LRBA: variants seen among roughly 807,000 people sequenced by gnomAD.
The protein encoded by LRBA is LPS responsive beige-like anchor protein, also known as lipopolysaccharide-responsive and beige-like anchor protein.
LRBA carries 176 observed loss-of-function variants against 330.0 expected under a neutral mutation model. The ratio of observed to expected loss-of-function variants is 0.53; its 90% CI spans 0.47 to 0.60. The LOEUF (loss-of-function observed/expected upper bound fraction) is 0.60, where lower values mean the gene tolerates loss of function less well. LRBA is among the 20% of genes least tolerant of loss of function. The pLI, the probability that LRBA is intolerant of heterozygous loss-of-function variation, is 0.00. For synonymous variants in LRBA, 1,230 were observed against 1,193.0 expected (o/e 1.03, Z -0.64); for missense variants, 3,259 against 3,444.8 (o/e 0.95, Z 1.35).
At chr4:150,500,754 T>C (rs1760162743) in intron 40 of LRBA, among the ~76,000 whole-genome samples, 1 of 152,206 alleles carries the variant, frequency 6.6e-6, no homozygotes, top group Non-Finnish European at 1.5e-5. Context: ...GGAAAACCTT[T>C]GTTTATCTTG....
intron 37 of LRBA, among the ~76,000 whole-genome samples, chr4:150,672,934 T>C (rs1026433342): frequency 1.3e-5 from 2 of 151,972 alleles, no homozygotes; most frequent in African/African-American, 4.8e-5. Flanking sequence ...GAAAGGAAAG[T>C]AGTAAGGAGA....
At chr4:150,507,217 G>GA (rs1341086228) in intron 40 of LRBA, among the ~76,000 whole-genome samples, 1 of 151,692 alleles carries the variant, frequency 6.6e-6, no homozygotes, top group African/African-American at 2.4e-5. Flanking sequence ...CACAGAATTG[G>GA]AAAAAACTAC....
chr4:150,646,798 T>A (rs372189320), intron 37 of LRBA, among the ~76,000 whole-genome samples: 16 of 152,062 alleles, frequency 1.1e-4, no homozygotes, highest in African/African-American at 3.6e-4. Flanking sequence ...AAATCCAAAA[T>A]TTTTGAGCAC....
intron 47 of LRBA, among the ~76,000 whole-genome samples, chr4:150,405,466 T>C (rs1202284900): frequency 6.6e-6 from 1 of 152,160 alleles, no homozygotes; most frequent in Non-Finnish European, 1.5e-5. Context: ...TTTAATTCCA[T>C]TCCTAGATGA....
At chr4:150,593,661 A>G (rs1773156158) in intron 38 of LRBA, among the ~76,000 whole-genome samples, 1 of 152,172 alleles carries the variant, frequency 6.6e-6, no homozygotes, top group African/African-American at 2.4e-5. Flanking sequence ...AATCAAGAAC[A>G]AAAAATATTC....
At chr4:150,933,755 T>G (rs1302613949) in intron 2 of LRBA, among the ~76,000 whole-genome samples, 1 of 152,146 alleles carries the variant, frequency 6.6e-6, no homozygotes, top group Non-Finnish European at 1.5e-5. Flanking sequence ...CTTATGCCTG[T>G]AATCCCAGCA....
At chr4:150,526,072 T>C (rs1437576071) in intron 40 of LRBA, among the ~76,000 whole-genome samples, 2 of 152,166 alleles carry the variant, frequency 1.3e-5, no homozygotes, top group Admixed American at 6.5e-5. Flanking sequence ...TTGTGAGGAA[T>C]ATATTTCTTT....
In LRBA at chr4:150,583,048, A is replaced by G. The variant is rs1771605681; in HGVS notation, c.6330+5000T>C. The G allele has an allele frequency of 6.2e-7, 1 of 1,604,754 alleles. No individual in the cohort carries two copies. Among genetic ancestry groups the G allele is most frequent in the South Asian group, 1.1e-5 (1 of 90,132 alleles). On this transcript the variant is annotated intron_variant, in intron 40 of 56. Transcript: ENST00000651943. This position sits in a 1 kb window ranked among gnomAD's most constrained non-coding sequence, Gnocchi z 9.8. ...CCCCAACATGATCGCCGCTCAGGCC[A>G]AGCTGGTTTACCAGCTCAATAAGTA...
At chr4:150,906,850 T>G (rs892431296) in intron 11 of LRBA, among the ~76,000 whole-genome samples, 7 of 151,992 alleles carry the variant, frequency 4.6e-5, no homozygotes, top group African/African-American at 1.4e-4. Context: ...ATCCTCAAAA[T>G]GTGTTAGGGC....
At chr4:150,524,639 C>T (rs11932482) in intron 40 of LRBA, among the ~76,000 whole-genome samples, 32,643 of 152,002 alleles carry the variant, frequency 0.21, 4,351 homozygotes, top group Non-Finnish European at 0.3. Context: ...GCATATTTTT[C>T]ACTGATAATG....
intron 40 of LRBA, among the ~76,000 whole-genome samples, chr4:150,531,149 T>C (rs1293767329): frequency 1.3e-5 from 2 of 152,260 alleles, no homozygotes; most frequent in African/African-American, 2.4e-5. Context: ...TTTGTCCTCA[T>C]TGGCATATCT....
intron 2 of LRBA, among the ~76,000 whole-genome samples, chr4:150,934,308 T>C (rs1734829956): frequency 6.6e-6 from 1 of 152,196 alleles, no homozygotes; most frequent in African/African-American, 2.4e-5. Flanking sequence ...CATACTTACA[T>C]ATTGAGGCAC....
At chr4:150,382,587 C>T (rs1049004967) in intron 47 of LRBA, among the ~76,000 whole-genome samples, 9 of 150,322 alleles carry the variant, frequency 6.0e-5, no homozygotes, top group Non-Finnish European at 1.3e-4. Flanking sequence ...TGTGCCACTG[C>T]ACTCCAGCCT....
At chr4:150,661,607 GTTTTAT>G (rs1364073825) in intron 37 of LRBA, among the ~76,000 whole-genome samples, 4 of 151,514 alleles carry the variant, frequency 2.6e-5, no homozygotes, top group Non-Finnish European at 5.9e-5. Context: ...AGTGCATCAT[GTTTTAT>G]TTTATTTTTA....
At chr4:150,826,696 T>A (rs971102424) in intron 30 of LRBA, among the ~76,000 whole-genome samples, 29 of 151,856 alleles carry the variant, frequency 1.9e-4, no homozygotes, top group African/African-American at 6.8e-4. Context: ...ACTGAGGGTG[T>A]TGAAGTGGTC....
intron 46 of LRBA, among the ~76,000 whole-genome samples, chr4:150,420,364 A>AAGTATATATAATACACATTATAGTATAT (rs1561150757): frequency 1.0e-4 from 14 of 135,486 alleles, no homozygotes; most frequent in African/African-American, 3.7e-4. Context: ...TTATAGTATA[A>AAGTATATATAATACACATTATAGTATAT]AGTATATATA....
intron 42 of LRBA, among the ~76,000 whole-genome samples, chr4:150,484,738 C>T (rs1035328842): frequency 1.3e-5 from 2 of 151,606 alleles, no homozygotes; most frequent in Admixed American, 1.3e-4. Context: ...TGATCCTCTC[C>T]TCCTCCCCTC....
intron 34 of LRBA, among the ~76,000 whole-genome samples, chr4:150,774,376 C>A (rs1236498103): frequency 6.6e-6 from 1 of 152,184 alleles, no homozygotes; most frequent in Non-Finnish European, 1.5e-5. Context: ...GACCAGGACT[C>A]CTTTTGTCTT....
intron 2 of LRBA, among the ~76,000 whole-genome samples, chr4:150,937,905 A>G (rs1247498258): frequency 6.6e-6 from 1 of 152,176 alleles, no homozygotes; most frequent in Non-Finnish European, 1.5e-5. Flanking sequence ...TAAAGACCAA[A>G]CATGGAGATC....
Sources: gnomAD v4.1 joint callset for allele counts (sites outside exome capture counted in the v4.1 genomes callset) on GRCh38, gnomAD v4.1.1 for gene constraint, Gnocchi (gnomAD v3.1) non-coding constraint, MANE v1.5 for transcripts, NCBI Gene and HGNC (gene_info 2026-07-23, HGNC 2026-07-21) for gene names.